The following DACH2 variants were observed in gnomAD, a reference collection of about 807,000 sequenced individuals.
The protein encoded by DACH2 is dachshund homolog 2.
Under a neutral mutation model 35.8 loss-of-function variants are expected in DACH2, and 17 were observed. The ratio of observed to expected loss-of-function variants is 0.48; its 90% CI spans 0.33 to 0.71. DACH2 has a LOEUF of 0.71. DACH2 is among the 30% of genes least tolerant of loss of function. The pLI is 0.02. For missense variants in DACH2, 469 were observed against 472.7 expected, an observed-to-expected ratio of 0.99 and a Z score of 0.07; for synonymous variants, 195 against 177.3, an observed-to-expected ratio of 1.10 and a Z score of -0.79.
intron 2 of DACH2, among the ~76,000 whole-genome samples, chrX:86,497,270 C>A (rs12556271): frequency 0.033 from 3,678 of 111,339 alleles, 75 homozygotes; most frequent in East Asian, 0.19. Context: ...AATGCAAATT[C>A]TCTGGGGATG....
rs139633575 is a variant in DACH2, at chrX:86,782,368, C to A, written c.1241-30488C>A. Among the ~76,000 whole-genome samples the A allele has an allele frequency of 4.3e-3, 484 of 111,462 alleles. 2 individuals are homozygous for A. The highest frequency in any genetic ancestry group is 0.015 in the African/African-American group (463 of 30,711). Reference sequence around the variant, plus strand: ...AATTTATATGGAAACACAAAAGACCCAGAATGGCCGAAGTTACAAACCAGT... The same window carrying A: ...AATTTATATGGAAACACAAAAGACCAAGAATGGCCGAAGTTACAAACCAGT... On this transcript the variant is annotated intron_variant, in intron 7 of 11. Coordinates refer to ENST00000373125, the MANE Select transcript of DACH2 (RefSeq NM_053281.3).
At chrX:86,610,152 G>T (rs748140482) in intron 3 of DACH2, among the ~76,000 whole-genome samples, 1 of 111,405 alleles carries the variant, frequency 9.0e-6, no homozygotes, top group Admixed American at 9.5e-5. Flanking sequence ...CTGATGTTCT[G>T]TTCTATACTG....
intron 1 of DACH2, among the ~76,000 whole-genome samples, chrX:86,240,791 A>G (rs1009681462): frequency 7.3e-5 from 8 of 110,171 alleles, no homozygotes; most frequent in Admixed American, 9.7e-5. Context: ...TGCTGTTCTC[A>G]TGATAATTAA....
intron 3 of DACH2, among the ~76,000 whole-genome samples, chrX:86,573,547 G>A (rs1045670025): frequency 9.0e-6 from 1 of 111,517 alleles, no homozygotes; most frequent in Non-Finnish European, 1.9e-5. Flanking sequence ...CCATGCTACT[G>A]ACACTCAGTC....
chrX:86,458,896 C>G (rs1440270397), intron 2 of DACH2, among the ~76,000 whole-genome samples: 1 of 110,166 alleles, frequency 9.1e-6, no homozygotes, highest in African/African-American at 3.3e-5. Flanking sequence ...GGAGGGATAG[C>G]ATTAGGAGAA....
At chrX:86,530,867 G>A (rs917031569) in intron 3 of DACH2, among the ~76,000 whole-genome samples, 3 of 111,740 alleles carry the variant, frequency 2.7e-5, no homozygotes, top group African/African-American at 9.8e-5. Context: ...ATTGCTGATA[G>A]TGATAAGGAC....
intron 2 of DACH2, among the ~76,000 whole-genome samples, chrX:86,461,585 C>A (rs1321253401): frequency 3.6e-5 from 4 of 111,089 alleles, no homozygotes; most frequent in South Asian, 7.5e-4. Context: ...CTAAACTACA[C>A]CTTCTTTACT....
At chrX:86,487,966 T>C (rs774211003) in intron 2 of DACH2, among the ~76,000 whole-genome samples, 21 of 111,318 alleles carry the variant, frequency 1.9e-4, no homozygotes, top group African/African-American at 6.8e-4. Flanking sequence ...CTGTGAGCCT[T>C]AGTTTTCTAT....
chrX:86,303,728 C>CTATA (rs35224476), intron 1 of DACH2, among the ~76,000 whole-genome samples: 48,256 of 105,642 alleles, frequency 0.46, 8,812 homozygotes, highest in Non-Finnish European at 0.56. Context: ...TGTGAACATA[C>CTATA]TATATATATA....
At chrX:86,800,004 A>G (rs2042276432) in intron 7 of DACH2, among the ~76,000 whole-genome samples, 1 of 111,973 alleles carries the variant, frequency 8.9e-6, no homozygotes, top group Admixed American at 9.5e-5. Context: ...CCCAACACAG[A>G]GAGACATTCA....
chrX:86,329,752 G>A (rs1411309555), intron 1 of DACH2, among the ~76,000 whole-genome samples: 1 of 111,196 alleles, frequency 9.0e-6, no homozygotes, highest in Non-Finnish European at 1.9e-5. Flanking sequence ...CATGTTATGG[G>A]ACTTTCATTT....
chrX:86,719,763 C>A (rs1214011194), intron 6 of DACH2, among the ~76,000 whole-genome samples: 1 of 109,585 alleles, frequency 9.1e-6, no homozygotes. Context: ...TCTACCTGGT[C>A]TTTTCCTTGA....
intron 3 of DACH2, among the ~76,000 whole-genome samples, chrX:86,603,648 GT>G (rs897647651): frequency 9.0e-6 from 1 of 110,837 alleles, no homozygotes; most frequent in Non-Finnish European, 1.9e-5. Context: ...TGATTTCATT[GT>G]TTTTTACTAT....
intron 1 of DACH2, among the ~76,000 whole-genome samples, chrX:86,283,998 G>A (rs1299368172): frequency 9.2e-6 from 1 of 109,254 alleles, no homozygotes; most frequent in Non-Finnish European, 1.9e-5. Context: ...TTTTTTTTTG[G>A]TGTATTCTTT....
intron 5 of DACH2, among the ~76,000 whole-genome samples, chrX:86,713,647 C>T (rs1010359699): frequency 1.8e-5 from 2 of 111,458 alleles, no homozygotes; most frequent in African/African-American, 6.5e-5. Flanking sequence ...ATAAGTGCTA[C>T]GGTTTGCTCA....
At chrX:86,256,572 AC>A (rs1199959618) in intron 1 of DACH2, among the ~76,000 whole-genome samples, 2 of 111,650 alleles carry the variant, frequency 1.8e-5, no homozygotes, top group Non-Finnish European at 3.8e-5. Context: ...ACTGCATCTG[AC>A]TGAACGTAGA....
chrX:86,344,300 AAATT>A (rs1170191896), intron 1 of DACH2, among the ~76,000 whole-genome samples: 2 of 100,705 alleles, frequency 2.0e-5, no homozygotes, highest in African/African-American at 3.6e-5. Context: ...GATGTAGACT[AAATT>A]AAAAGGTACT....
chrX:86,154,671 G>A (rs1455644699), intron 1 of DACH2, among the ~76,000 whole-genome samples: 1 of 111,356 alleles, frequency 9.0e-6, no homozygotes, highest in Admixed American at 9.6e-5. Flanking sequence ...GGCTCTGTGA[G>A]GCTGCAGATG....
intron 3 of DACH2, among the ~76,000 whole-genome samples, chrX:86,650,525 G>A (rs765989002): frequency 9.0e-6 from 1 of 111,204 alleles, no homozygotes; most frequent in African/African-American, 3.3e-5. Flanking sequence ...TAGAATTTCA[G>A]AGTGCTCCCA....
Sources: gnomAD v4.1 joint callset for allele counts (sites outside exome capture counted in the v4.1 genomes callset) on GRCh38, gnomAD v4.1.1 for gene constraint, MANE v1.5 for transcripts, NCBI Gene and HGNC (gene_info 2026-07-23, HGNC 2026-07-21) for gene names.